Variants in ABCC4 observed in about 807,000 individuals in gnomAD.
ABCC4 encodes the protein ATP binding cassette subfamily C member 4 (PEL blood group), also known as ATP-binding cassette sub-family C member 4.
ABCC4 carries 102 observed loss-of-function variants against 168.5 expected under a neutral mutation model. That is an observed-to-expected ratio of 0.61 (90% CI 0.52 to 0.71). The LOEUF is 0.71. Ranked by LOEUF, ABCC4 falls within the 30% of genes least tolerant of loss-of-function variation. The pLI, the probability that ABCC4 is intolerant of heterozygous loss-of-function variation, is 0.00. For missense variants in ABCC4, 1,402 were observed against 1,605.8 expected, an observed-to-expected ratio of 0.87 and a Z score of 2.17; for synonymous variants, 617 against 590.7, an observed-to-expected ratio of 1.04 and a Z score of -0.65.
chr13:95,177,772 G>A lies in ABCC4; in HGVS notation c.1662C>T (p.Asp554=). The change falls in exon 13 of 31, where the codon GAC becomes GAT. Residue 554 remains aspartate (D), a synonymous_variant. Transcript: ENST00000645237. The part of the protein sequence containing the change: ...NLARAVYQDA[D]IYLLDDPLSA... ...TGAGAGGATCGTCCAGGAGATAGAT[G>A]TCAGCATCTTGATACACTGCTCTAG... is the stretch of plus-strand genomic sequence containing the variant. 6.2e-7 allele frequency: 1 copy of A among 1,611,424 alleles called. No homozygotes were observed. Among genetic ancestry groups the A allele is most frequent in the Non-Finnish European group, 8.5e-7 (1 of 1,177,780 alleles).
In ABCC4 at chr13:95,186,599, AG is replaced by A. The variant is rs1159500915; in HGVS notation, c.1545+101del. On this transcript the variant is annotated intron_variant, in intron 11 of 30. Coordinates refer to ENST00000645237, the MANE Select transcript of ABCC4 (RefSeq NM_005845.5). Reference sequence around the variant, plus strand: ...CCTTAAAGTATTAAATAACATTCAAAGGTCTTTAAAAATTAAAAAAAAGTTA... The same window carrying A: ...CCTTAAAGTATTAAATAACATTCAAAGTCTTTAAAAATTAAAAAAAAGTTA... 27 of 1,047,968 alleles carry A rather than the reference AG, an allele frequency of 2.6e-5. No individual in the cohort carries two copies. In the Admixed American group the frequency reaches 7.0e-4, roughly 27 times the overall value. 64.9% of individuals were successfully genotyped at this position (1,047,968 alleles called of 1,614,324 possible). A position where few individuals can be genotyped will look rare whatever the true frequency, so the allele number is the denominator to read the frequency against.
intron 21 of ABCC4, among the ~76,000 whole-genome samples, chr13:95,076,733 G>C (rs990127293): frequency 6.6e-6 from 1 of 152,032 alleles, no homozygotes; most frequent in African/African-American, 2.4e-5. Context: ...CCAAAGTGCT[G>C]GGATTACAAG....
At chr13:95,043,500 T>C (rs764358508) in intron 29 of ABCC4, 182 bp downstream of exon 29, 2 of 501,598 alleles carry the variant, frequency 4.0e-6, no homozygotes, top group Non-Finnish European at 7.1e-6. Context: ...AAGAGATACA[T>C]TGGATATATT....
intron 4 of ABCC4, among the ~76,000 whole-genome samples, chr13:95,232,959 C>G (rs1566552081): frequency 6.6e-6 from 1 of 152,150 alleles, no homozygotes; most frequent in Non-Finnish European, 1.5e-5. Flanking sequence ...ATACAGTCAG[C>G]CTTTCCTGTG....
At chr13:95,089,580 G>A (rs1477337815) in intron 20 of ABCC4, among the ~76,000 whole-genome samples, 1 of 152,052 alleles carries the variant, frequency 6.6e-6, no homozygotes, top group Non-Finnish European at 1.5e-5. Flanking sequence ...CAGCTTGGGT[G>A]AAAAAGCAAA....
chr13:95,029,600 T>G (rs890429341), intron 30 of ABCC4, among the ~76,000 whole-genome samples: 3 of 152,294 alleles, frequency 2.0e-5, no homozygotes, highest in African/African-American at 7.2e-5. Context: ...TATCATTTGG[T>G]AAGCTGATTC....
intron 1 of ABCC4, among the ~76,000 whole-genome samples, chr13:95,263,828 A>AG (rs1281976193): frequency 6.8e-6 from 1 of 147,730 alleles, no homozygotes; most frequent in Non-Finnish European, 1.5e-5. Flanking sequence ...CAAAAAAGAA[A>AG]AAAAAAAAAT....
At chr13:95,218,669 T>A (rs561326199) in intron 4 of ABCC4, among the ~76,000 whole-genome samples, 1 of 151,304 alleles carries the variant, frequency 6.6e-6, no homozygotes, top group Non-Finnish European at 1.5e-5. Context: ...CTGGGCAACG[T>A]AGTGAGATCC....
intron 10 of ABCC4, among the ~76,000 whole-genome samples, chr13:95,187,743 C>A (rs978846817): frequency 6.6e-6 from 1 of 152,094 alleles, no homozygotes; most frequent in African/African-American, 2.4e-5. Flanking sequence ...ATTGTTAAAC[C>A]ACCCTATTTG....
chr13:95,114,583 A>T (rs929227885), intron 20 of ABCC4, among the ~76,000 whole-genome samples: 4 of 152,196 alleles, frequency 2.6e-5, no homozygotes, highest in African/African-American at 7.2e-5. Flanking sequence ...AGAAAAAAAA[A>T]AATCAGAGGT....
chr13:95,208,238 C>T (rs1043584379), intron 6 of ABCC4, among the ~76,000 whole-genome samples: 2 of 150,380 alleles, frequency 1.3e-5, no homozygotes, highest in Admixed American at 6.7e-5. Context: ...CCGAGCCTGA[C>T]GATAACACAG....
intron 14 of ABCC4, among the ~76,000 whole-genome samples, chr13:95,167,347 C>T (rs1420516264): frequency 6.6e-6 from 1 of 152,062 alleles, no homozygotes; most frequent in Non-Finnish European, 1.5e-5. Flanking sequence ...TATTTGTGTA[C>T]CCCATGAAAT....
chr13:95,021,080 G>GT lies in ABCC4; in HGVS notation c.*494dup, dbSNP rs2031063621. ...TTTCTTTTTGTTGTTCCTATTGGTTGTAACTGTACTATTTTCTAACAAGAA... is the reference window on the plus strand; with the variant it reads ...TTTCTTTTTGTTGTTCCTATTGGTTGTTAACTGTACTATTTTCTAACAAGAA... On this transcript the variant is annotated 3_prime_UTR_variant, in exon 31 of 31. Transcript: ENST00000645237. 6.5e-6 allele frequency: 1 copy of GT among 152,896 alleles called. No homozygotes were observed. Among genetic ancestry groups the GT allele is most frequent in the Non-Finnish European group, 1.5e-5 (1 of 68,670 alleles). 9.5% of individuals were successfully genotyped at this position (152,896 alleles called of 1,614,324 possible).
At chr13:95,204,931 C>A (rs1438570942) in intron 8 of ABCC4, among the ~76,000 whole-genome samples, 2 of 152,206 alleles carry the variant, frequency 1.3e-5, no homozygotes, top group East Asian at 3.9e-4. Context: ...GGGGCAGCAA[C>A]AGCAGTCAGA....
intron 25 of ABCC4, among the ~76,000 whole-genome samples, chr13:95,065,727 C>T (rs916076330): frequency 1.3e-5 from 2 of 152,148 alleles, no homozygotes; most frequent in African/African-American, 4.8e-5. Context: ...TCAAAGGAGG[C>T]TGTTAAGTGA....
At chr13:95,045,483 C>A (rs1169911704) in intron 27 of ABCC4, among the ~76,000 whole-genome samples, 1 of 152,130 alleles carries the variant, frequency 6.6e-6, no homozygotes, top group Non-Finnish European at 1.5e-5. Flanking sequence ...TAGGTCAGTA[C>A]ATTTTCTACA....
At chr13:95,156,443 GC>G (rs1325836247) in intron 19 of ABCC4, among the ~76,000 whole-genome samples, 3 of 152,126 alleles carry the variant, frequency 2.0e-5, no homozygotes, top group Non-Finnish European at 2.9e-5. Context: ...TTCTGCCCAT[GC>G]CAGGAAAACA....
At chr13:95,207,759 GA>G in intron 7 of ABCC4, 40 bp downstream of exon 7, 1 of 1,583,774 alleles carries the variant, frequency 6.3e-7, no homozygotes, top group Non-Finnish European at 8.6e-7. Context: ...ATAGCAAATA[GA>G]AAAATACAAA....
intron 11 of ABCC4, among the ~76,000 whole-genome samples, chr13:95,185,750 C>T (rs974947460): frequency 5.9e-5 from 9 of 151,918 alleles, no homozygotes; most frequent in Non-Finnish European, 1.3e-4. Flanking sequence ...GAACTTATAG[C>T]CCTCTATTAA....
Sources: allele counts gnomAD v4.1 joint callset (sites outside exome capture counted in the v4.1 genomes callset), GRCh38; gene constraint gnomAD v4.1.1; transcripts MANE v1.5; gene names NCBI Gene and HGNC (gene_info 2026-07-23, HGNC 2026-07-21).